FOCAD: variants seen among roughly 807,000 people sequenced by gnomAD.
FOCAD encodes focadhesin.
FOCAD carries 198 observed loss-of-function variants against 225.6 expected under a neutral mutation model. The observed-to-expected ratio is 0.88, with a 90% confidence interval of 0.78 to 0.99. FOCAD has a LOEUF of 0.99. Among genes scored for constraint, FOCAD ranks in the 50% least tolerant of loss-of-function variants. The pLI, the probability that FOCAD is intolerant of heterozygous loss-of-function variation, is 0.00. For synonymous variants in FOCAD, 897 were observed against 755.0 expected (o/e 1.19, Z -3.08); for missense variants, 2,713 against 2,123.6 (o/e 1.28, Z -5.46).
intron 35 of FOCAD, among the ~76,000 whole-genome samples, chr9:20,975,356 A>G (rs1048999041): frequency 2.6e-5 from 4 of 152,184 alleles, no homozygotes; most frequent in Admixed American, 6.5e-5. Context: ...TAATGGTACT[A>G]TGTCATAGGC....
At chr9:20,827,899 G>T (rs577068696) in intron 15 of FOCAD, among the ~76,000 whole-genome samples, 2 of 152,156 alleles carry the variant, frequency 1.3e-5, no homozygotes, top group East Asian at 1.9e-4. Flanking sequence ...TTGGCTGGGC[G>T]TGTTGGTTCA....
At chr9:20,903,647 A>G (rs566878458) in intron 21 of FOCAD, among the ~76,000 whole-genome samples, 14 of 151,932 alleles carry the variant, frequency 9.2e-5, no homozygotes, top group Non-Finnish European at 1.5e-4. Flanking sequence ...CATTTTGTCT[A>G]TTGTAGTTAG....
At chr9:20,960,188 A>C (rs1838573289) in intron 35 of FOCAD, among the ~76,000 whole-genome samples, 1 of 152,222 alleles carries the variant, frequency 6.6e-6, no homozygotes, top group African/African-American at 2.4e-5. Context: ...TTTTAAGATT[A>C]GAAGCCAGTT....
At chr9:20,700,552 G>A (rs996699222) in intron 1 of FOCAD, among the ~76,000 whole-genome samples, 5 of 151,576 alleles carry the variant, frequency 3.3e-5, no homozygotes, top group South Asian at 2.1e-4. Flanking sequence ...AAAAAAACTG[G>A]GAGTTTAGGA....
intron 23 of FOCAD, among the ~76,000 whole-genome samples, chr9:20,914,146 C>G (rs943417069): frequency 2.6e-5 from 4 of 151,804 alleles, no homozygotes; most frequent in African/African-American, 9.7e-5. Flanking sequence ...AACTAATAAG[C>G]TACCTTGAAG....
chr9:20,656,392 T>A (rs183525323), upstream of FOCAD, among the ~76,000 whole-genome samples: 4 of 152,218 alleles, frequency 2.6e-5, no homozygotes. Flanking sequence ...AAGTCTCCCA[T>A]TATTATTGTG....
At chr9:20,754,804 T>C (rs948519163) in intron 5 of FOCAD, among the ~76,000 whole-genome samples, 7 of 152,176 alleles carry the variant, frequency 4.6e-5, no homozygotes, top group Non-Finnish European at 1.0e-4. Context: ...TAAAGAGTTA[T>C]GTGGCCCAAA....
intron 15 of FOCAD, among the ~76,000 whole-genome samples, chr9:20,841,232 TG>T (rs1826492837): frequency 6.6e-6 from 1 of 152,132 alleles, no homozygotes; most frequent in Admixed American, 6.6e-5. Flanking sequence ...AGTGTGATAC[TG>T]GCCTTGTAGA....
intron 28 of FOCAD, among the ~76,000 whole-genome samples, chr9:20,943,561 GT>G (rs1159395767): frequency 3.3e-5 from 5 of 152,116 alleles, no homozygotes; most frequent in Non-Finnish European, 7.4e-5. Context: ...TTAGGTGTGG[GT>G]GCTCCATTTG....
At position 20,945,602 on chromosome 9, in the gene FOCAD, T is replaced by A. The variant is rs1307247998; in HGVS notation, c.3555+828T>A. Among the ~76,000 whole-genome samples, 4 of 152,330 alleles carry A rather than the reference T, an allele frequency of 2.6e-5. No individual in the cohort carries two copies. In the East Asian group the frequency reaches 7.7e-4, roughly 29 times the overall value. On this transcript the variant is annotated intron_variant, in intron 29 of 43. Coordinates refer to ENST00000338382, the MANE Select transcript of FOCAD (RefSeq NM_001375567.1). ...GTTTTGTTCTAAGACATGCACTACA[T>A]TTCCATTTTTAAAGCAGTGTAGAGT...
chr9:20,976,815 G>A (rs547528422), intron 36 of FOCAD, among the ~76,000 whole-genome samples: 1 of 152,174 alleles, frequency 6.6e-6, no homozygotes, highest in Non-Finnish European at 1.5e-5. Context: ...ATGTGGTACA[G>A]GTTCCATTAA....
At chr9:20,842,189 A>G (rs1050276933) in intron 15 of FOCAD, among the ~76,000 whole-genome samples, 20 of 151,732 alleles carry the variant, frequency 1.3e-4, no homozygotes, top group Non-Finnish European at 2.4e-4. Flanking sequence ...CATGAAAATG[A>G]TCTCTGTGCT....
chr9:20,976,644 T>C lies in FOCAD; in HGVS notation c.4261+96T>C, dbSNP rs1284474581. The C allele has an allele frequency of 3.0e-6, 4 of 1,312,054 alleles. No homozygotes were observed. In the African/African-American group the frequency reaches 4.4e-5, roughly 14 times the overall value. 81.3% of individuals were successfully genotyped at this position (1,312,054 alleles called of 1,614,324 possible). A position where few individuals can be genotyped will look rare whatever the true frequency, so the allele number is the denominator to read the frequency against. The stretch of plus-strand genomic sequence containing the variant: ...TGTGTCACAATGTGTAGTGACTGGA[T>C]AGACTTTTCAGATCTTGAGGTTTGT... On this transcript the variant is annotated intron_variant, in intron 36 of 43. Transcript: ENST00000338382.
intron 1 of FOCAD, among the ~76,000 whole-genome samples, chr9:20,685,710 TAATC>T (rs1466620222): frequency 1.3e-5 from 2 of 152,242 alleles, no homozygotes; most frequent in East Asian, 1.9e-4. Context: ...TTTGCTTACT[TAATC>T]AATGTTAGGT....
chr9:20,822,909 C>T (rs754058472), intron 14 of FOCAD, 80 bp from the exon 15 acceptor site: 25 of 1,364,736 alleles, frequency 1.8e-5, no homozygotes, highest in Admixed American at 8.8e-5. Flanking sequence ...ATGATGGATG[C>T]TTTTTGTTTA....
At chr9:20,862,529 TA>T in intron 15 of FOCAD, 48 bp from the exon 16 acceptor site, 1 of 1,590,122 alleles carries the variant, frequency 6.3e-7, no homozygotes, top group South Asian at 1.2e-5. Flanking sequence ...AATGGCTTCA[TA>T]TAGGTTGGAG....
intron 35 of FOCAD, among the ~76,000 whole-genome samples, chr9:20,955,854 T>C (rs141979816): frequency 1.6e-4 from 25 of 152,332 alleles, no homozygotes; most frequent in African/African-American, 6.0e-4. Flanking sequence ...TATAATACAT[T>C]AGAAACATAT....
intron 35 of FOCAD, chr9:20,957,673 C>CTCTTTT (rs1361017091): frequency 2.1e-4 from 8 of 38,436 alleles, no homozygotes; most frequent in African/African-American, 8.6e-4. Context: ...ATCTCTCTCT[C>CTCTTTT]TTTTTTTTTT....
rs561220724 is a variant in FOCAD at position 20,964,192 on chromosome 9, C to T, written c.4132+11127C>T. Among the ~76,000 whole-genome samples, 106 of 151,996 alleles carry T rather than the reference C, an allele frequency of 7.0e-4. 1 individual carries two copies. The highest frequency in any genetic ancestry group is 2.5e-3 in the African/African-American group (103 of 41,420). ...ACCAGCCTGGCCAACATGGTGAAAC[C>T]CCGTCTATACAGAAAATACAAAAAA... On this transcript the variant is annotated intron_variant, in intron 35 of 43. Transcript: ENST00000338382.
Sources: gnomAD v4.1 joint callset for allele counts (sites outside exome capture counted in the v4.1 genomes callset) on GRCh38, gnomAD v4.1.1 for gene constraint, MANE v1.5 for transcripts, NCBI Gene and HGNC (gene_info 2026-07-23, HGNC 2026-07-21) for gene names.